The following CDK15 variants were observed in gnomAD, a reference collection of about 807,000 sequenced individuals.
The protein encoded by CDK15 is cyclin dependent kinase 15.
CDK15 carries 62 observed loss-of-function variants against 60.3 expected under a neutral mutation model. The ratio of observed to expected loss-of-function variants is 1.03; its 90% CI spans 0.84 to 1.27. CDK15 has a LOEUF of 1.27. Ranked by LOEUF, CDK15 falls within the 50% of genes most tolerant of loss-of-function variation. CDK15 has a pLI of 0.00. For missense variants in CDK15, 541 were observed against 527.8 expected (o/e 1.03, Z -0.25); for synonymous variants, 194 against 195.7 (o/e 0.99, Z 0.07).
At chr2:201,847,175 C>T (rs1321524193) in intron 8 of CDK15, among the ~76,000 whole-genome samples, 1 of 152,120 alleles carries the variant, frequency 6.6e-6, no homozygotes, top group African/African-American at 2.4e-5. Context: ...AACTGCTGCT[C>T]GTGGTGTTCC....
At chr2:201,872,449 G>A (rs887483704) in intron 11 of CDK15, 123 bp downstream of exon 11, 2 of 979,496 alleles carry the variant, frequency 2.0e-6, no homozygotes, top group African/African-American at 3.2e-5. Flanking sequence ...GCTCTAAGCT[G>A]TAGGAAGATG....
At position 201,823,792 on chromosome 2, in the gene CDK15, C is replaced by T; in HGVS notation, c.606+65C>T. 2.9e-6 allele frequency: 4 copies of T among 1,393,170 alleles called. No homozygotes were observed. The South Asian group carries it at 4.6e-5, about 16-fold the overall frequency. The allele number at this position is 1,393,170 out of a possible 1,614,324, so 86.3% of individuals were successfully genotyped here. ...CACAGAAGGAGAATTCTGAAACAGACTGTCTCACAAAGCAAAGTCCTATGA... is the reference window on the plus strand; with the variant it reads ...CACAGAAGGAGAATTCTGAAACAGATTGTCTCACAAAGCAAAGTCCTATGA... On this transcript the variant is annotated intron_variant, in intron 6 of 13. Transcript: ENST00000652192.
chr2:201,886,842 T>C (rs778700294), intron 12 of CDK15, among the ~76,000 whole-genome samples: 61 of 152,190 alleles, frequency 4.0e-4, no homozygotes, highest in Non-Finnish European at 7.9e-4. Context: ...AGTTGTTTTT[T>C]CCTGTAACCT....
At chr2:201,868,161 C>A (rs549056353) in intron 10 of CDK15, among the ~76,000 whole-genome samples, 1 of 152,040 alleles carries the variant, frequency 6.6e-6, no homozygotes, top group Non-Finnish European at 1.5e-5. Flanking sequence ...GGAGAACTAA[C>A]AATAAGGCAG....
chr2:201,825,255 G>A (rs951905856), intron 6 of CDK15, among the ~76,000 whole-genome samples: 2 of 149,402 alleles, frequency 1.3e-5, no homozygotes, highest in African/African-American at 5.0e-5. Context: ...CAGAGGTGCA[G>A]CGAGCAAAGA....
At chr2:201,857,370 G>A (rs1208280465) in intron 10 of CDK15, among the ~76,000 whole-genome samples, 2 of 151,788 alleles carry the variant, frequency 1.3e-5, no homozygotes, top group Non-Finnish European at 2.9e-5. Flanking sequence ...ACATCCATAG[G>A]GCTCATCATC....
chr2:201,871,284 C>G (rs1698843229), intron 10 of CDK15, among the ~76,000 whole-genome samples: 1 of 152,090 alleles, frequency 6.6e-6, no homozygotes, highest in Non-Finnish European at 1.5e-5. Flanking sequence ...TTCACCCTTT[C>G]AAGTAGCTGG....
At chr2:201,807,308 T>G (rs919930699) in intron 1 of CDK15, among the ~76,000 whole-genome samples, 186 bp from the exon 2 acceptor site, 1 of 152,142 alleles carries the variant, frequency 6.6e-6, no homozygotes, top group African/African-American at 2.4e-5. Flanking sequence ...GAATGTAGTA[T>G]TTCAGGAGTT....
At chr2:201,887,503 C>T (rs1699494076) in intron 12 of CDK15, among the ~76,000 whole-genome samples, 1 of 152,128 alleles carries the variant, frequency 6.6e-6, no homozygotes, top group Non-Finnish European at 1.5e-5. Context: ...GAGTTTTCTT[C>T]TTTTTTGTTT....
At chr2:201,849,138 T>G (rs1697795692) in intron 9 of CDK15, among the ~76,000 whole-genome samples, 1 of 152,222 alleles carries the variant, frequency 6.6e-6, no homozygotes. Flanking sequence ...CTCTGAACTT[T>G]CGTTTCCTTG....
rs771749929 is a variant in CDK15 at position 201,823,737 on chromosome 2, T to G, written c.606+10T>G. The G allele has an allele frequency of 6.2e-7, 1 of 1,612,932 alleles. No homozygotes were observed. Among genetic ancestry groups the G allele is most frequent in the Non-Finnish European group, 8.5e-7 (1 of 1,179,156 alleles). On this transcript the variant is annotated intron_variant, in intron 6 of 13. Coordinates refer to ENST00000652192, the MANE Select transcript of CDK15 (RefSeq NM_001366386.2). ...TCCTCATAATGTCAGAGTGAGTACGTTAAGGGTCAGGACCCTCTCCTGGCT... is the reference window on the plus strand; with the variant it reads ...TCCTCATAATGTCAGAGTGAGTACGGTAAGGGTCAGGACCCTCTCCTGGCT...
chr2:201,890,876 G>A lies in CDK15; in HGVS notation c.1290G>A (p.Gln430=), dbSNP rs1249249081. Residue 430 remains glutamine, a synonymous_variant, in exon 13 of 14, where the codon CAG becomes CAA. Transcript: ENST00000652192. ...ACCAGAAAGGTCACCACCCAGCCCA[G>A]TTTAGCAAATGCTGGTGAAAAGAAA... ...ASYQKGHHPA[Q]FSKCW 9 of 1,613,184 alleles carry A rather than the reference G, an allele frequency of 5.6e-6. No individual in the cohort carries two copies. The highest frequency in any genetic ancestry group is 3.3e-5 in the South Asian group (3 of 90,866).
chr2:201,840,837 G>A (rs1483761046), intron 8 of CDK15, among the ~76,000 whole-genome samples: 1 of 152,112 alleles, frequency 6.6e-6, no homozygotes, highest in Non-Finnish European at 1.5e-5. Context: ...TGATTATGCA[G>A]TTTTCTCTAG....
At chr2:201,852,480 T>A (rs944895210) in intron 9 of CDK15, among the ~76,000 whole-genome samples, 1 of 152,248 alleles carries the variant, frequency 6.6e-6, no homozygotes, top group Non-Finnish European at 1.5e-5. Flanking sequence ...CACTTTCTGA[T>A]CAATTTTAAA....
At chr2:201,888,031 A>G (rs1333306974) in intron 12 of CDK15, among the ~76,000 whole-genome samples, 4 of 127,002 alleles carry the variant, frequency 3.1e-5, no homozygotes, top group Non-Finnish European at 4.9e-5. Flanking sequence ...TTAATTTTCA[A>G]CCTTTTTTTT....
At chr2:201,846,401 G>A (rs1002760510) in intron 8 of CDK15, among the ~76,000 whole-genome samples, 3 of 151,782 alleles carry the variant, frequency 2.0e-5, no homozygotes, top group African/African-American at 7.3e-5. Context: ...GCTAAGTCAG[G>A]AGAATCGCTT....
At chr2:201,823,644 T>C (rs1574859373) in intron 5 of CDK15, 21 bp from the exon 6 acceptor site, 5 of 1,611,204 alleles carry the variant, frequency 3.1e-6, no homozygotes, top group Non-Finnish European at 4.2e-6. Flanking sequence ...CTCACTTCTC[T>C]TTCTCCGCTG....
At chr2:201,850,942 G>T (rs1003613771) in intron 9 of CDK15, among the ~76,000 whole-genome samples, 3 of 152,070 alleles carry the variant, frequency 2.0e-5, no homozygotes, top group African/African-American at 4.8e-5. Context: ...GTGTATTGAG[G>T]TTCTTAGTCC....
chr2:201,875,048 T>C (rs573114782), intron 11 of CDK15, among the ~76,000 whole-genome samples: 1 of 152,284 alleles, frequency 6.6e-6, no homozygotes, highest in African/African-American at 2.4e-5. Context: ...CCCAGACCCC[T>C]GAGAACAACC....
Sources: gnomAD v4.1 joint callset for allele counts (sites outside exome capture counted in the v4.1 genomes callset) on GRCh38, gnomAD v4.1.1 for gene constraint, MANE v1.5 for transcripts, NCBI Gene and HGNC (gene_info 2026-07-23, HGNC 2026-07-21) for gene names.